BNC1: variants seen among roughly 807,000 people sequenced by gnomAD.
BNC1 encodes basonuclin zinc finger protein 1, also known as zinc finger protein basonuclin-1.
In BNC1, 8 loss-of-function variants were observed where a neutral mutation model predicts 66.5. That is an observed-to-expected ratio of 0.12 (90% CI 0.07 to 0.22). The LOEUF is 0.22. Ranked by LOEUF, BNC1 falls within the 10% of genes least tolerant of loss-of-function variation. The pLI is 1.00. For synonymous variants in BNC1, 454 were observed against 452.6 expected, an observed-to-expected ratio of 1.00 and a Z score of -0.04; for missense variants, 1,069 against 1,241.3, an observed-to-expected ratio of 0.86 and a Z score of 2.09.
At chr15:83,283,572 C>T in intron 1 of BNC1, 2 of 934,382 alleles carry the variant, frequency 2.1e-6, no homozygotes, top group Non-Finnish European at 2.6e-6. Flanking sequence ...CGGCGCTTCC[C>T]ATGCAAACCC....
At chr15:83,276,769 GAAGA>G (rs2038327341) in intron 1 of BNC1, among the ~76,000 whole-genome samples, 1 of 152,212 alleles carries the variant, frequency 6.6e-6, no homozygotes, top group African/African-American at 2.4e-5. Context: ...GGATGGCTGA[GAAGA>G]AAGAGTAGCA....
chr15:83,257,697 GAC>G lies in BNC1; in HGVS notation c.2728_2729del (p.Val910ProfsTer6), dbSNP rs2038092595. Reference protein sequence around the residue: ...VPGEDEYPICVLMEKADQSLA... With the variant: ...VPGEDEYPICXLMEKADQSLA... ...GGCTCTGGTCAGCCTTCTCCATCAG[GAC>G]ACAGATGGGGTACTCATCTTCCCCA... is the stretch of plus-strand genomic sequence containing the variant. On this transcript the variant is annotated frameshift_variant, in exon 5 of 5. Transcript: ENST00000345382. LOFTEE classifies it high-confidence loss of function. 1 of 1,614,008 alleles carries G rather than the reference GAC, an allele frequency of 6.2e-7. No individual in the cohort carries two copies. The highest frequency in any genetic ancestry group is 1.7e-5 in the Admixed American group (1 of 59,990).
chr15:83,277,762 A>C (rs2151439880), intron 1 of BNC1, among the ~76,000 whole-genome samples: 1 of 152,308 alleles, frequency 6.6e-6, no homozygotes, highest in Admixed American at 6.5e-5. Context: ...GGCTTCACTT[A>C]ACCTGTTGTG....
intron 1 of BNC1, 37 bp downstream of exon 1, chr15:83,284,493 A>T: frequency 8.4e-7 from 1 of 1,184,614 alleles, no homozygotes; most frequent in Non-Finnish European, 1.1e-6. Context: ...CTCCGCGCAC[A>T]GAGAATCCCC....
At position 83,264,181 on chromosome 15, in the gene BNC1, A is replaced by G. The variant is rs995686903; in HGVS notation, c.1070T>C (p.Val357Ala). ...GGTCTTCTCACATGCAGTGCAGAAC[A>G]CCCGGCCCTTCTTTGTACCAAGGCT... ...RNSLGTKKGR[V>A]FCTACEKTFY... Residue 357 changes from valine (V) to alanine (A), a missense_variant, in exon 4 of 5, where the codon GTG becomes GCG. This residue lies in a region of BNC1 where 82 missense variants were observed against 136.3 expected (regional missense o/e 0.60). Transcript: ENST00000345382. 6.2e-7 allele frequency: 1 copy of G among 1,613,830 alleles called. No homozygotes were observed. The highest frequency in any genetic ancestry group is 1.3e-5 in the African/African-American group (1 of 74,810).
At chr15:83,282,951 G>A (rs1469142583) in intron 1 of BNC1, among the ~76,000 whole-genome samples, 1 of 152,100 alleles carries the variant, frequency 6.6e-6, no homozygotes, top group East Asian at 1.9e-4. Flanking sequence ...TTAACAGCAA[G>A]AGGCCTGGCT....
At chr15:83,278,619 TA>T (rs1191119414) in intron 1 of BNC1, among the ~76,000 whole-genome samples, 1 of 152,086 alleles carries the variant, frequency 6.6e-6, no homozygotes, top group Non-Finnish European at 1.5e-5. Flanking sequence ...TATTTCAGGG[TA>T]AAAAAATCAT....
At position 83,264,659 on chromosome 15, in the gene BNC1, A is replaced by C; in HGVS notation, c.592T>G (p.Ser198Ala). 1.9e-6 allele frequency: 3 copies of C among 1,614,030 alleles called. No homozygotes were observed. Among genetic ancestry groups the C allele is most frequent in the East Asian group, 2.2e-5 (1 of 44,878 alleles). ...KEEQSIIIPPSTANVDIRAFI... is the reference protein window; with the variant it reads ...KEEQSIIIPPATANVDIRAFI... ...GCCCTGATATCTACATTTGCTGTGG[A>C]AGGTGGTATGATGATGGATTGCTCT... The change falls in exon 4 of 5, where the codon TCC (serine) becomes GCC (alanine). Residue 198 changes from serine (S) to alanine (A), a missense_variant. Ser to Ala is a moderately conservative substitution (Grantham distance 99). Around this residue, in one of 7 missense-constraint regions of BNC1, gnomAD observed 181 missense variants for 181.5 expected, o/e 1.00. Coordinates refer to ENST00000345382, the MANE Select transcript of BNC1 (RefSeq NM_001717.4).
At position 83,263,430 on chromosome 15, in the gene BNC1, C is replaced by A. The variant is rs143724628; in HGVS notation, c.1821G>T (p.Arg607Ser). The A allele has an allele frequency of 1.3e-4, 211 of 1,614,228 alleles. No individual in the cohort carries two copies. The highest frequency in any genetic ancestry group is 9.9e-4 in the Middle Eastern group (6 of 6,062). ...CAATTACTGATTCACGATGGCAGGG[C>A]CTCTCCCCTTCAGGGAAAGGCTTCC... ...GLGKPFPEGERPCHRESVIES... is the reference protein window; with the variant it reads ...GLGKPFPEGESPCHRESVIES... Residue 607 changes from arginine to serine, a missense_variant, in exon 4 of 5, where the codon AGG (arginine) becomes AGT (serine). Physicochemically the swap from Arg to Ser is moderately radical, Grantham distance 110. This residue lies in a region of BNC1 where 657 missense variants were observed against 715.8 expected (regional missense o/e 0.92). Transcript: ENST00000345382.
intron 1 of BNC1, among the ~76,000 whole-genome samples, chr15:83,269,033 G>A (rs1444374457): frequency 1.3e-5 from 2 of 152,172 alleles, no homozygotes; most frequent in Non-Finnish European, 2.9e-5. Context: ...AGACCAGCCT[G>A]GCCAATATGG....
At chr15:83,271,200 T>TG (rs1224621236) in intron 1 of BNC1, among the ~76,000 whole-genome samples, 3 of 152,070 alleles carry the variant, frequency 2.0e-5, no homozygotes, top group African/African-American at 7.2e-5. Flanking sequence ...CGCTTGAACC[T>TG]GGGAGGTAGG....
chr15:83,283,345 G>A (rs2038403264), intron 1 of BNC1: 2 of 1,445,074 alleles, frequency 1.4e-6, no homozygotes, highest in East Asian at 2.6e-5. Flanking sequence ...CGGGGCTCCG[G>A]GTCTGGGCGG....
chr15:83,272,756 T>C (rs1192423351), intron 1 of BNC1, among the ~76,000 whole-genome samples: 1 of 152,170 alleles, frequency 6.6e-6, no homozygotes, highest in Non-Finnish European at 1.5e-5. Context: ...GCACATTTCA[T>C]AGATTAATAC....
At chr15:83,267,299 T>TAAG (rs966708158) in intron 2 of BNC1, among the ~76,000 whole-genome samples, 8 of 152,214 alleles carry the variant, frequency 5.3e-5, no homozygotes, top group Admixed American at 4.6e-4. Flanking sequence ...GTGGCCTTGC[T>TAAG]AAGGAAAGAA....
Position 83,264,063 on chromosome 15 carries a change from G to A in BNC1, c.1188C>T (p.Phe396=), listed in dbSNP as rs1367345477. Residue 396 remains phenylalanine (F), a synonymous_variant, in exon 4 of 5, where the codon TTC becomes TTT. Transcript: ENST00000345382. ...KCTIEGCNMV[F]SSLRSRNRHS... ...GGCGATTCCGGCTCCTTAGGGAGCT[G>A]AACACCATGTTACACCCTTCGATGG... The A allele has an allele frequency of 6.2e-7, 1 of 1,614,088 alleles. No homozygotes were observed. The highest frequency in any genetic ancestry group is 1.3e-5 in the African/African-American group (1 of 74,938).
chr15:83,284,142 C>G (rs115318515), intron 1 of BNC1, among the ~76,000 whole-genome samples: 339 of 151,842 alleles, frequency 2.2e-3, no homozygotes, highest in African/African-American at 7.8e-3. Flanking sequence ...CAGGTGGAAA[C>G]AGCAAGTCCT....
chr15:83,272,482 C>T (rs2038279064), intron 1 of BNC1, among the ~76,000 whole-genome samples: 1 of 151,246 alleles, frequency 6.6e-6, no homozygotes, highest in African/African-American at 2.4e-5. Context: ...GATGATCCAC[C>T]TGCCTCGGCC....
In BNC1 at chr15:83,257,570, G is replaced by A. The variant is rs138921537; in HGVS notation, c.2857C>T (p.Arg953Trp). ...GGTACTTTGCATTTGTGGAGCTGCC[G>A]GAGGTGCACAGTTTTGTAGTGGGCC... ...FRAHYKTVHL[R>W]QLHKCKVPGC... Residue 953 changes from arginine (R) to tryptophan (W), a missense_variant, in exon 5 of 5, where the codon CGG (arginine) becomes TGG (tryptophan). Coordinates refer to ENST00000345382, the MANE Select transcript of BNC1 (RefSeq NM_001717.4). 2.7e-5 allele frequency: 43 copies of A among 1,613,974 alleles called. No homozygotes were observed. The African/African-American group carries it at 3.3e-4, about 13-fold the overall frequency.
Position 83,263,619 on chromosome 15 carries a change from G to C in BNC1, c.1632C>G (p.Ile544Met), listed in dbSNP as rs2038175777. The change falls in exon 4 of 5, where the codon ATC (isoleucine) becomes ATG (methionine). Residue 544 changes from isoleucine to methionine, a missense_variant. Transcript: ENST00000345382. ...KKKSRKSSMP[I>M]KIEKEAVEIA... ...TTTCCACAGCTTCTTTCTCTATTTT[G>C]ATAGGCATACTGGACTTCCTGGATT... 4 of 1,614,198 alleles carry C rather than the reference G, an allele frequency of 2.5e-6. No individual in the cohort carries two copies. Among genetic ancestry groups the C allele is most frequent in the Non-Finnish European group, 3.4e-6 (4 of 1,180,044 alleles).
Sources: gnomAD v4.1 joint callset for allele counts (sites outside exome capture counted in the v4.1 genomes callset) on GRCh38, gnomAD v4.1.1 for gene constraint, gnomAD v4.1.1 regional missense constraint, MANE v1.5 for transcripts, NCBI Gene and HGNC (gene_info 2026-07-23, HGNC 2026-07-21) for gene names.